The following ZNF385D variants were observed in gnomAD, a reference collection of about 807,000 sequenced individuals.
ZNF385D encodes zinc finger protein 385D.
In ZNF385D, 15 loss-of-function variants were observed where a neutral mutation model predicts 35.8. That is an observed-to-expected ratio of 0.42 (90% CI 0.28 to 0.64). The LOEUF (loss-of-function observed/expected upper bound fraction) is 0.64. ZNF385D is among the 30% of genes least tolerant of loss of function. ZNF385D has a pLI of 0.23. For synonymous variants in ZNF385D, 212 were observed against 186.8 expected (o/e 1.13, Z -1.10); for missense variants, 474 against 494.6 (o/e 0.96, Z 0.39).
At chr3:22,293,834 T>C (rs959824853) in intron 2 of ZNF385D, among the ~76,000 whole-genome samples, 3 of 152,128 alleles carry the variant, frequency 2.0e-5, no homozygotes, top group Non-Finnish European at 1.5e-5. Context: ...AGGTGAGGCC[T>C]AGTGATCTGT....
chr3:22,118,326 G>A (rs1168168741), intron 3 of ZNF385D, among the ~76,000 whole-genome samples: 2 of 151,992 alleles, frequency 1.3e-5, no homozygotes, highest in African/African-American at 4.8e-5. Flanking sequence ...TGCCATGATT[G>A]ATAAATTTCT....
At chr3:21,484,001 A>C (rs1704840638) in intron 4 of ZNF385D, among the ~76,000 whole-genome samples, 1 of 152,228 alleles carries the variant, frequency 6.6e-6, no homozygotes, top group African/African-American at 2.4e-5. Context: ...CTGGCATCGT[A>C]ATTTGGACAG....
intron 2 of ZNF385D, among the ~76,000 whole-genome samples, chr3:22,186,236 G>C (rs765965822): frequency 2.0e-5 from 3 of 151,864 alleles, no homozygotes; most frequent in South Asian, 2.1e-4. Context: ...TAATGTATCA[G>C]AAAAAAAATC....
At chr3:21,605,680 G>A (rs1051731952) in intron 2 of ZNF385D, among the ~76,000 whole-genome samples, 1 of 152,102 alleles carries the variant, frequency 6.6e-6, no homozygotes, top group South Asian at 2.1e-4. Context: ...TCTGTAAAAT[G>A]GAGATGACAA....
intron 2 of ZNF385D, chr3:22,372,339 C>T: frequency 1.5e-6 from 1 of 656,302 alleles, no homozygotes; most frequent in Non-Finnish European, 1.9e-6. Context: ...CCATGCGAGC[C>T]CCAGCCCCTC....
chr3:22,076,888 G>A (rs1700491940), intron 3 of ZNF385D, among the ~76,000 whole-genome samples: 2 of 151,904 alleles, frequency 1.3e-5, no homozygotes, highest in South Asian at 4.2e-4. Flanking sequence ...AGTAATTACA[G>A]AAAAACAGAT....
intron 4 of ZNF385D, among the ~76,000 whole-genome samples, chr3:21,485,184 T>A (rs1704939964): frequency 6.6e-6 from 1 of 152,172 alleles, no homozygotes; most frequent in South Asian, 2.1e-4. Context: ...TAGAAACACG[T>A]CAAGGTTTAT....
At chr3:22,064,857 G>T (rs1232815135) in intron 3 of ZNF385D, among the ~76,000 whole-genome samples, 1 of 152,272 alleles carries the variant, frequency 6.6e-6, no homozygotes, top group Admixed American at 6.5e-5. Context: ...AATCTTTAGT[G>T]ATCTATTGCA....
At chr3:21,706,444 A>C (rs932702929) in intron 1 of ZNF385D, among the ~76,000 whole-genome samples, 2 of 152,198 alleles carry the variant, frequency 1.3e-5, no homozygotes, top group Non-Finnish European at 2.9e-5. Context: ...TGATGCCAGG[A>C]ATTAATTTTG....
At chr3:22,134,808 T>G (rs552098537) in intron 3 of ZNF385D, among the ~76,000 whole-genome samples, 5 of 152,172 alleles carry the variant, frequency 3.3e-5, no homozygotes, top group African/African-American at 9.6e-5. Flanking sequence ...GAGAGAGAGA[T>G]AGTGATAAAA....
intron 3 of ZNF385D, among the ~76,000 whole-genome samples, chr3:21,775,052 A>G (rs1269834144): frequency 2.0e-5 from 3 of 151,858 alleles, no homozygotes; most frequent in African/African-American, 7.3e-5. Flanking sequence ...AAATGACATA[A>G]CCTGAGAAGA....
chr3:21,517,370 C>G (rs949093197), intron 3 of ZNF385D, among the ~76,000 whole-genome samples: 1 of 152,090 alleles, frequency 6.6e-6, no homozygotes, highest in Non-Finnish European at 1.5e-5. Flanking sequence ...GGCTAAGATG[C>G]CTGCAGACTC....
At chr3:22,175,017 A>T (rs1694723547) in intron 2 of ZNF385D, among the ~76,000 whole-genome samples, 3 of 151,964 alleles carry the variant, frequency 2.0e-5, no homozygotes, top group African/African-American at 7.2e-5. Flanking sequence ...AGAGTCTCTT[A>T]TAAAGAGTTC....
At chr3:22,113,881 T>G (rs1306755196) in intron 3 of ZNF385D, among the ~76,000 whole-genome samples, 2 of 152,146 alleles carry the variant, frequency 1.3e-5, no homozygotes, top group African/African-American at 4.8e-5. Context: ...CAGCTCATTT[T>G]TCTACCTTGC....
rs545716987 is a variant in ZNF385D at position 21,982,671 on chromosome 3, G to A, written c.325+186146C>T. ...ATACTTGTCTTGAGCTGGTATTCAA[G>A]GGGAATACTGCTAGCTTTTGCCTAT... On this transcript the variant is annotated intron_variant, in intron 3 of 5. Coordinates refer to the ZNF385D transcript ENST00000494108. Among the ~76,000 whole-genome samples, 23 of 152,254 alleles carry A rather than the reference G, an allele frequency of 1.5e-4. 1 individual carries two copies. The highest frequency in any genetic ancestry group is 4.6e-4 in the African/African-American group (19 of 41,544).
At chr3:21,678,337 G>C (rs1418343453) in intron 1 of ZNF385D, among the ~76,000 whole-genome samples, 1 of 152,060 alleles carries the variant, frequency 6.6e-6, no homozygotes, top group African/African-American at 2.4e-5. Context: ...TGGACATTCT[G>C]CAACAGCCAG....
intron 1 of ZNF385D, among the ~76,000 whole-genome samples, chr3:21,741,052 G>A (rs1248133672): frequency 6.9e-6 from 1 of 144,430 alleles, no homozygotes; most frequent in Non-Finnish European, 1.6e-5. Flanking sequence ...GGCAGTGCCT[G>A]GCACAGCAGG....
intron 2 of ZNF385D, among the ~76,000 whole-genome samples, chr3:21,591,881 A>T (rs17552044): frequency 5.3e-5 from 8 of 152,024 alleles, no homozygotes; most frequent in Admixed American, 4.6e-4. Flanking sequence ...TTCAGTTGCT[A>T]CACTACACTT....
At chr3:22,083,471 G>A (rs1700865905) in intron 3 of ZNF385D, among the ~76,000 whole-genome samples, 1 of 152,198 alleles carries the variant, frequency 6.6e-6, no homozygotes, top group South Asian at 2.1e-4. Context: ...TCAACTGGAA[G>A]AAAGGGTATC....
Sources: gnomAD v4.1 joint callset for allele counts (sites outside exome capture counted in the v4.1 genomes callset) on GRCh38, gnomAD v4.1.1 for gene constraint, MANE v1.5 for transcripts, NCBI Gene and HGNC (gene_info 2026-07-23, HGNC 2026-07-21) for gene names.